BTRC: variants seen among roughly 807,000 people sequenced by gnomAD.
BTRC encodes the protein F-box/WD repeat-containing protein 1A.
In BTRC, 42 loss-of-function variants were observed where a neutral mutation model predicts 85.5. That is an observed-to-expected ratio of 0.49 (90% CI 0.38 to 0.64). The LOEUF is 0.64. BTRC is among the 30% of genes least tolerant of loss of function. The pLI is 0.00. For missense variants in BTRC, 594 were observed against 743.5 expected, an observed-to-expected ratio of 0.80 and a Z score of 2.34; for synonymous variants, 255 against 263.3, an observed-to-expected ratio of 0.97 and a Z score of 0.30.
intron 2 of BTRC, among the ~76,000 whole-genome samples, chr10:101,440,430 T>A (rs1350762211): frequency 6.6e-6 from 1 of 152,136 alleles, no homozygotes; most frequent in Non-Finnish European, 1.5e-5. Flanking sequence ...GTATTGAAAG[T>A]TCCTCAATGG....
rs1449419174 is a variant in BTRC, at chr10:101,522,362, AAAAACAAAAAAAAAC to A, written c.556+497_556+511del. Reference sequence around the variant, plus strand: ...GCTGGTATAAAGCTTTAAAAAAAAAAAAAACAAAAAAAAACAAAAAAAAAAAAACTCTAGAAATAA... The same window carrying A: ...GCTGGTATAAAGCTTTAAAAAAAAAAAAAAAAAAAAAAACTCTAGAAATAA... On this transcript the variant is annotated intron_variant, in intron 5 of 14. Coordinates refer to ENST00000370187, the MANE Select transcript of BTRC (RefSeq NM_033637.4). Among the ~76,000 whole-genome samples the A allele has an allele frequency of 5.0e-4, 33 of 66,546 alleles. 6 individuals are homozygous for A. Among genetic ancestry groups the A allele is most frequent in the African/African-American group, 8.6e-4 (15 of 17,358 alleles). The allele number at this position is 66,546 out of a possible 152,430, so 43.7% of individuals were successfully genotyped here. A position where few individuals can be genotyped will look rare whatever the true frequency, so the allele number is the denominator to read the frequency against.
chr10:101,442,296 A>ATGTGTGTGTGTG (rs139018865), intron 2 of BTRC, among the ~76,000 whole-genome samples: 31,942 of 142,018 alleles, frequency 0.22, 4,628 homozygotes, highest in East Asian at 0.57. Context: ...CTCTGTGTGT[A>ATGTGTGTGTGTG]TGTGTGTGTG....
intron 3 of BTRC, among the ~76,000 whole-genome samples, chr10:101,462,600 AC>A (rs1945256923): frequency 6.7e-6 from 1 of 148,196 alleles, no homozygotes; most frequent in Non-Finnish European, 1.5e-5. Context: ...AATCACTTGA[AC>A]CCCAGAGGCA....
intron 1 of BTRC, among the ~76,000 whole-genome samples, chr10:101,395,335 C>G (rs1435125530): frequency 1.3e-5 from 2 of 152,112 alleles, no homozygotes; most frequent in African/African-American, 4.8e-5. Context: ...CTCTTTGCCC[C>G]CCTTTTTTCC....
At chr10:101,530,063 A>ATT (rs143387215) in intron 6 of BTRC, among the ~76,000 whole-genome samples, 2 of 149,856 alleles carry the variant, frequency 1.3e-5, no homozygotes, top group Non-Finnish European at 3.0e-5. Context: ...CCATTTACTG[A>ATT]TTTTTTTTTT....
At chr10:101,370,023 G>A (rs1408387338) in intron 1 of BTRC, among the ~76,000 whole-genome samples, 2 of 152,148 alleles carry the variant, frequency 1.3e-5, no homozygotes, top group Non-Finnish European at 2.9e-5. Context: ...CGATACCTGT[G>A]CTAGATTGCT....
chr10:101,521,944 C>T (rs568185274), intron 5 of BTRC, 74 bp downstream of exon 5: 14 of 1,126,122 alleles, frequency 1.2e-5, no homozygotes, highest in African/African-American at 3.3e-5. Context: ...CTATATATCT[C>T]TCTTTAAAAG....
chr10:101,391,883 G>GAATA (rs1943243891), intron 1 of BTRC, among the ~76,000 whole-genome samples: 1 of 152,118 alleles, frequency 6.6e-6, no homozygotes, highest in Non-Finnish European at 1.5e-5. Flanking sequence ...TTCACATATG[G>GAATA]TTAGTTCAAT....
intron 4 of BTRC, among the ~76,000 whole-genome samples, chr10:101,498,622 A>G (rs9419916): frequency 0.15 from 22,386 of 152,210 alleles, 2,062 homozygotes; most frequent in Middle Eastern, 0.25. Context: ...TTTCTATTAA[A>G]ACTACAGTTT....
chr10:101,354,341 G>A, intron 1 of BTRC, 113 bp downstream of exon 1: 1 of 1,239,928 alleles, frequency 8.1e-7, no homozygotes, highest in African/African-American at 1.6e-5. Context: ...GGCCGAGGCT[G>A]GCGGCGGAGC....
chr10:101,382,014 G>T (rs1942946197), intron 1 of BTRC, among the ~76,000 whole-genome samples: 1 of 92,622 alleles, frequency 1.1e-5, no homozygotes, highest in African/African-American at 4.7e-5. Context: ...ATGGCGTCTT[G>T]CTCTGTTGCC....
chr10:101,398,298 T>C (rs1432520775), intron 1 of BTRC, among the ~76,000 whole-genome samples: 1 of 151,974 alleles, frequency 6.6e-6, no homozygotes, highest in Non-Finnish European at 1.5e-5. Flanking sequence ...AAAATTTCTT[T>C]TTTTCTTTTT....
intron 1 of BTRC, chr10:101,364,875 A>G (rs1942319248): frequency 6.7e-6 from 1 of 149,050 alleles, no homozygotes; most frequent in African/African-American, 2.5e-5. Flanking sequence ...AGGTACTGCA[A>G]TACCAGGTCG....
intron 1 of BTRC, among the ~76,000 whole-genome samples, chr10:101,391,959 A>G (rs1367644571): frequency 1.3e-5 from 2 of 152,148 alleles, no homozygotes; most frequent in Admixed American, 6.5e-5. Flanking sequence ...GAGTCAATTG[A>G]CAGTTTACTT....
chr10:101,451,226 T>C (rs1370562114), intron 2 of BTRC, among the ~76,000 whole-genome samples: 1 of 152,218 alleles, frequency 6.6e-6, no homozygotes, highest in Admixed American at 6.5e-5. Context: ...ATCAGGTTGA[T>C]GTTTTCTTCC....
intron 13 of BTRC, among the ~76,000 whole-genome samples, chr10:101,547,365 C>T (rs2062575581): frequency 2.0e-5 from 2 of 100,410 alleles, no homozygotes; most frequent in South Asian, 7.4e-4. Flanking sequence ...GAGACGGAGT[C>T]TCACTCTTGT....
At chr10:101,477,168 T>C (rs532204961) in intron 3 of BTRC, among the ~76,000 whole-genome samples, 2 of 152,106 alleles carry the variant, frequency 1.3e-5, no homozygotes, top group East Asian at 3.9e-4. Context: ...TTATTTTCTT[T>C]TTTTGTATTT....
At chr10:101,550,552 G>T (rs1226664918) in intron 13 of BTRC, 147 bp from the exon 14 acceptor site, 3 of 720,832 alleles carry the variant, frequency 4.2e-6, no homozygotes, top group East Asian at 2.7e-5. Flanking sequence ...AAAGTGCTGG[G>T]ATTACAGGTG....
intron 5 of BTRC, 30 bp downstream of exon 5, chr10:101,521,900 A>C: frequency 6.6e-7 from 1 of 1,524,484 alleles, no homozygotes; most frequent in Non-Finnish European, 9.1e-7. Context: ...TAAACCATTA[A>C]TTTGCTATGA....
Sources: gnomAD v4.1 joint callset for allele counts (sites outside exome capture counted in the v4.1 genomes callset) on GRCh38, gnomAD v4.1.1 for gene constraint, MANE v1.5 for transcripts, NCBI Gene and HGNC (gene_info 2026-07-23, HGNC 2026-07-21) for gene names.